The following KIAA0586 variants were observed in gnomAD, a reference collection of about 807,000 sequenced individuals.
KIAA0586 encodes protein TALPID3.
In KIAA0586, 144 loss-of-function variants were observed where a neutral mutation model predicts 169.8. The ratio of observed to expected loss-of-function variants is 0.85; its 90% CI spans 0.74 to 0.97. The LOEUF (loss-of-function observed/expected upper bound fraction) is 0.97. Ranked by LOEUF, KIAA0586 falls within the 50% of genes least tolerant of loss-of-function variation. KIAA0586 has a pLI of 0.00. For synonymous variants in KIAA0586, 625 were observed against 612.4 expected (o/e 1.02, Z -0.30); for missense variants, 1,854 against 1,823.0 (o/e 1.02, Z -0.31).
At chr14:58,488,983 A>T in intron 24 of KIAA0586, 109 bp downstream of exon 24, 1 of 1,219,244 alleles carries the variant, frequency 8.2e-7, no homozygotes, top group Non-Finnish European at 1.1e-6. Flanking sequence ...TTAACATGGT[A>T]TAGTAGAAAG....
Position 58,490,202 on chromosome 14 carries a change from G to A in KIAA0586, c.3820G>A (p.Asp1274Asn). 1 of 1,542,618 alleles carries A rather than the reference G, an allele frequency of 6.5e-7. No homozygotes were observed. The highest frequency in any genetic ancestry group is 8.8e-7 in the Non-Finnish European group (1 of 1,138,060). The part of the protein sequence containing the change: ...DIGLYLTNLN[D>N]SLSSTLHDAV... ...AGGACTGTACCTGACAAACCTTAAT[G>A]ATAGCTTATCCAGCACTCTGCATGA... is the stretch of plus-strand genomic sequence containing the variant. Residue 1274 changes from aspartate (D) to asparagine (N), a missense_variant, in exon 25 of 31, where the codon GAT (aspartate) becomes AAT (asparagine). By Grantham distance (23) the Asp-to-Asn change is conservative (BLOSUM62 1). Transcript: ENST00000652326.
At chr14:58,445,110 TACAC>T (rs888517407) in intron 6 of KIAA0586, among the ~76,000 whole-genome samples, 7 of 147,204 alleles carry the variant, frequency 4.8e-5, no homozygotes, top group Admixed American at 4.1e-4. Flanking sequence ...AAGAACTATA[TACAC>T]ACACACATAC....
rs1377222430 is a variant in KIAA0586 at position 58,489,377 on chromosome 14, G to A, written c.3781+503G>A. On this transcript the variant is annotated intron_variant, in intron 24 of 30. Coordinates refer to ENST00000652326, the MANE Select transcript of KIAA0586 (RefSeq NM_001329943.3). The stretch of plus-strand genomic sequence containing the variant: ...TGGGACTACAGGCATGTGCCACCAC[G>A]CCCGGCTAACTTTTATATTTTTTGT... Among the ~76,000 whole-genome samples the A allele has an allele frequency of 7.2e-5, 11 of 151,756 alleles. No individual in the cohort carries two copies. The South Asian group carries it at 8.3e-4, about 11-fold the overall frequency.
downstream of KIAA0586, among the ~76,000 whole-genome samples, chr14:58,552,943 G>GCTA (rs1243525370): frequency 6.6e-6 from 1 of 152,170 alleles, no homozygotes; most frequent in Non-Finnish European, 1.5e-5. Flanking sequence ...TTTACAAGGT[G>GCTA]CTACATTATA....
intron 27 of KIAA0586, among the ~76,000 whole-genome samples, chr14:58,503,126 C>G (rs2043692834): frequency 6.6e-6 from 1 of 151,910 alleles, no homozygotes; most frequent in Non-Finnish European, 1.5e-5. Flanking sequence ...ATTTGTGGAC[C>G]CTGGGATATA....
At chr14:58,533,269 T>TTAGC (rs1280209490) in intron 29 of KIAA0586, among the ~76,000 whole-genome samples, 1 of 152,250 alleles carries the variant, frequency 6.6e-6, no homozygotes, top group Admixed American at 6.5e-5. Context: ...CTGAAATAGC[T>TTAGC]TAGCTTATGT....
At position 58,548,974 on chromosome 14, in the gene KIAA0586, G is replaced by C. The variant is rs2140162355; in HGVS notation, c.*1042G>C. 6.6e-6 allele frequency: 1 copy of C among 152,114 alleles called. No individual in the cohort carries two copies. Among genetic ancestry groups the C allele is most frequent in the East Asian group, 1.9e-4 (1 of 5,164 alleles). The allele number at this position is 152,114 out of a possible 1,614,324, so 9.4% of individuals were successfully genotyped here. On this transcript the variant is annotated 3_prime_UTR_variant, in exon 31 of 31. Transcript: ENST00000652326. ...GACATCAGTGATTGTGTGTGGAGATGGGGGTGGGTAGTGCCCAGCACAGTG... is the reference window on the plus strand; with the variant it reads ...GACATCAGTGATTGTGTGTGGAGATCGGGGTGGGTAGTGCCCAGCACAGTG...
At chr14:58,455,879 A>G (rs1162433961) in intron 9 of KIAA0586, among the ~76,000 whole-genome samples, 1 of 152,302 alleles carries the variant, frequency 6.6e-6, no homozygotes, top group East Asian at 1.9e-4. Context: ...ACTAGAAGGC[A>G]TGACCTTCTA....
In KIAA0586 at chr14:58,498,953, A is replaced by G. The variant is rs1219991427; in HGVS notation, c.4161A>G (p.Thr1387=). 1 of 1,594,600 alleles carries G rather than the reference A, an allele frequency of 6.3e-7. No homozygotes were observed. Among genetic ancestry groups the G allele is most frequent in the Non-Finnish European group, 8.5e-7 (1 of 1,170,332 alleles). The change falls in exon 27 of 31, where the codon ACA becomes ACG. Residue 1387 remains threonine (T), a synonymous_variant. Transcript: ENST00000652326. The stretch of plus-strand genomic sequence containing the variant: ...AACCATTATCTCGGCAATTTGACAC[A>G]GTTTCAGGTAGACACCAAAATATTT... ...DPKPLSRQFD[T]VSGSIYEDSC...
chr14:58,524,803 C>A (rs765867906), intron 29 of KIAA0586, among the ~76,000 whole-genome samples: 21 of 152,316 alleles, frequency 1.4e-4, no homozygotes, highest in Admixed American at 1.2e-3. Flanking sequence ...GCAACCTCTG[C>A]CTCCCAGGTT....
chr14:58,508,795 C>G (rs1305639525), intron 28 of KIAA0586, 86 bp downstream of exon 28: 1 of 994,168 alleles, frequency 1.0e-6, no homozygotes, highest in African/African-American at 1.6e-5. Context: ...AAGAGCCAAG[C>G]CTCTGGAGTC....
chr14:58,532,197 G>GA (rs201426562), intron 29 of KIAA0586, among the ~76,000 whole-genome samples: 2 of 150,678 alleles, frequency 1.3e-5, no homozygotes, highest in South Asian at 2.1e-4. Flanking sequence ...AAAAAAAAAG[G>GA]AAAAAAAAAG....
intron 4 of KIAA0586, among the ~76,000 whole-genome samples, chr14:58,438,632 G>A (rs2038033817): frequency 6.6e-6 from 1 of 152,110 alleles, no homozygotes; most frequent in African/African-American, 2.4e-5. Flanking sequence ...TTAAACCCTG[G>A]GATGGCTAAG....
chr14:58,507,701 A>G (rs2141419112), intron 27 of KIAA0586, among the ~76,000 whole-genome samples: 1 of 152,224 alleles, frequency 6.6e-6, no homozygotes, highest in Non-Finnish European at 1.5e-5. Context: ...GTGCAATACA[A>G]AGGTACAGTG....
rs2037456577 is a variant in KIAA0586, at chr14:58,432,439, G to A, written c.392G>A (p.Arg131Lys). 1 of 1,551,972 alleles carries A rather than the reference G, an allele frequency of 6.4e-7. No individual in the cohort carries two copies. Among genetic ancestry groups the A allele is most frequent in the South Asian group, 1.2e-5 (1 of 83,102 alleles). Residue 131 changes from arginine to lysine, a missense_variant, in exon 4 of 31, where the codon AGA becomes AAA. By Grantham distance (26) the Arg-to-Lys change is conservative. Transcript: ENST00000652326. ...QYTMGQKDAL[R>K]TVLKQKAQSM... is the part of the protein sequence containing the mutation. ...ACAATGGGACAGAAAGATGCTCTAAGAACAGTTTTAAAGCAAAAGTAAGTT... is the reference window on the plus strand; with the variant it reads ...ACAATGGGACAGAAAGATGCTCTAAAAACAGTTTTAAAGCAAAAGTAAGTT...
At chr14:58,517,940 A>G (rs184586057) in intron 29 of KIAA0586, among the ~76,000 whole-genome samples, 4 of 152,334 alleles carry the variant, frequency 2.6e-5, no homozygotes, top group African/African-American at 7.2e-5. Context: ...GCAAAACTAT[A>G]GATATGGAGA....
chr14:58,435,249 T>C (rs765081822), intron 4 of KIAA0586, among the ~76,000 whole-genome samples: 11 of 152,228 alleles, frequency 7.2e-5, no homozygotes, highest in Non-Finnish European at 1.6e-4. Flanking sequence ...TATTAATACA[T>C]TTATATCATT....
intron 14 of KIAA0586, chr14:58,463,862 T>G: frequency 3.6e-6 from 1 of 277,380 alleles, no homozygotes; most frequent in Non-Finnish European, 7.3e-6. Flanking sequence ...AAAAATTAGA[T>G]ACATAGAAAC....
At chr14:58,440,258 TTGCTC>T (rs2038205004) in intron 4 of KIAA0586, 1 of 428,024 alleles carries the variant, frequency 2.3e-6, no homozygotes, top group African/African-American at 2.1e-5. Flanking sequence ...CTGTCTTGCT[TTGCTC>T]TGCTCTGCTT....
Sources: gnomAD v4.1 joint callset for allele counts (sites outside exome capture counted in the v4.1 genomes callset) on GRCh38, gnomAD v4.1.1 for gene constraint, MANE v1.5 for transcripts, NCBI Gene and HGNC (gene_info 2026-07-23, HGNC 2026-07-21) for gene names.